Variants in PTH1R observed in about 807,000 individuals in gnomAD.
PTH1R encodes the protein parathyroid hormone 1 receptor, also known as parathyroid hormone/parathyroid hormone-related peptide receptor.
In PTH1R, 32 loss-of-function variants were observed where a neutral mutation model predicts 70.7. That is an observed-to-expected ratio of 0.45 (90% CI 0.34 to 0.61). The LOEUF (loss-of-function observed/expected upper bound fraction) is 0.61, where lower values mean the gene tolerates loss of function less well. Among genes scored for constraint, PTH1R ranks in the 20% least tolerant of loss-of-function variants. The probability of loss-of-function intolerance (pLI) is 0.01; values close to 1 mark genes in which losing one functional copy is unlikely to be tolerated. For missense variants in PTH1R, 626 were observed against 792.5 expected (o/e 0.79, Z 2.52); for synonymous variants, 329 against 324.8 (o/e 1.01, Z -0.14).
rs992858169 is a variant in PTH1R at position 46,883,231 on chromosome 3, A to T, written c.-48-281A>T. 4.8e-6 allele frequency: 1 copy of T among 210,214 alleles called. No individual in the cohort carries two copies. Among genetic ancestry groups the T allele is most frequent in the Admixed American group, 5.9e-5 (1 of 16,856 alleles). 13.0% of individuals were successfully genotyped at this position (210,214 alleles called of 1,614,324 possible). A position where few individuals can be genotyped will look rare whatever the true frequency, so the allele number is the denominator to read the frequency against. The stretch of plus-strand genomic sequence containing the variant: ...CGGGCCGGGGGCGGGGGGCCCGGCC[A>T]TATGGATGTGATTTCTTCGCTCCGA... On this transcript the variant is annotated intron_variant, in intron 2 of 15. Transcript: ENST00000449590. The surrounding 1 kb of genome is among the most constrained non-coding windows in gnomAD (Gnocchi z 6.4).
chr3:46,882,964 T>A lies in PTH1R; in HGVS notation c.-48-548T>A, dbSNP rs1407425824. Among the ~76,000 whole-genome samples the A allele has an allele frequency of 1.3e-5, 2 of 150,596 alleles. No individual in the cohort carries two copies. Among genetic ancestry groups the A allele is most frequent in the African/African-American group, 2.4e-5 (1 of 40,912 alleles). On this transcript the variant is annotated intron_variant, in intron 2 of 15. Coordinates refer to ENST00000449590, the MANE Select transcript of PTH1R (RefSeq NM_000316.3). The surrounding 1 kb of genome is among the most constrained non-coding windows in gnomAD (Gnocchi z 4.3). ...CAAAGTTGAGATCGCACCCCCTAAC[T>A]GCACGCCCCGCGCGGCTCAGAACGC...
chr3:46,894,783 G>C lies in PTH1R; in HGVS notation c.178+774G>C, dbSNP rs550956380. On this transcript the variant is annotated intron_variant, in intron 4 of 15. Transcript: ENST00000449590. ...CCACAGACCCGACATGTAAGGACCA[G>C]GGGGGCCTAGCTTGGGCGGTGGCTG... Among the ~76,000 whole-genome samples the C allele has an allele frequency of 2.0e-5, 3 of 152,216 alleles. No individual in the cohort carries two copies. The South Asian group carries it at 6.2e-4, about 32-fold the overall frequency.
intron 10 of PTH1R, 33 bp downstream of exon 10, chr3:46,899,489 C>G (rs777154630): frequency 1.2e-6 from 2 of 1,600,374 alleles, no homozygotes; most frequent in Non-Finnish European, 8.5e-7. Flanking sequence ...GAGGTGCCGG[C>G]AGGGGTGGGA....
rs1255739378 is a variant in PTH1R at position 46,892,159 on chromosome 3, GC to G, written c.76-1746del. ...GACTAGGATAGAGGAGCTTAGGCCAGCCGCCAGCACGTGAGGATCTGCTCCA... is the reference window on the plus strand; with the variant it reads ...GACTAGGATAGAGGAGCTTAGGCCAGCGCCAGCACGTGAGGATCTGCTCCA... On this transcript the variant is annotated intron_variant, in intron 3 of 15. Coordinates refer to ENST00000449590, the MANE Select transcript of PTH1R (RefSeq NM_000316.3). The surrounding 1 kb of genome is among the most constrained non-coding windows in gnomAD (Gnocchi z 5.2). 2.6e-5 allele frequency among the ~76,000 whole-genome samples: 4 copies of G among 152,176 alleles called. No individual in the cohort carries two copies. Among genetic ancestry groups the G allele is most frequent in the African/African-American group, 9.7e-5 (4 of 41,440 alleles).
At chr3:46,890,873 C>T (rs1446581534) in intron 3 of PTH1R, among the ~76,000 whole-genome samples, 3 of 152,180 alleles carry the variant, frequency 2.0e-5, no homozygotes, top group Non-Finnish European at 4.4e-5. Context: ...TTCTCAGACA[C>T]GAAGCTAGTC....
At chr3:46,889,968 G>T (rs1227131308) in intron 3 of PTH1R, among the ~76,000 whole-genome samples, 1 of 152,158 alleles carries the variant, frequency 6.6e-6, no homozygotes, top group Non-Finnish European at 1.5e-5. Flanking sequence ...CAGACAGGGG[G>T]CATGCCAGGC....
intron 3 of PTH1R, among the ~76,000 whole-genome samples, chr3:46,887,025 G>C (rs2031079418): frequency 1.3e-5 from 2 of 151,966 alleles, no homozygotes; most frequent in African/African-American, 4.8e-5. Flanking sequence ...GATCACCTGA[G>C]GCCAGGAGTT....
intron 3 of PTH1R, among the ~76,000 whole-genome samples, chr3:46,890,388 T>TTGCTGCTGC (rs562274566): frequency 6.6e-6 from 1 of 151,996 alleles, no homozygotes; most frequent in African/African-American, 2.4e-5. Context: ...GGGATGTGAC[T>TTGCTGCTGC]TGCTGCTGCT....
At position 46,896,192 on chromosome 3, in the gene PTH1R, AAGAC is replaced by A. The variant is rs3087182; in HGVS notation, c.313+331_313+334del. On this transcript the variant is annotated intron_variant, in intron 5 of 15. Coordinates refer to ENST00000449590, the MANE Select transcript of PTH1R (RefSeq NM_000316.3). This position sits in a 1 kb window ranked among gnomAD's most constrained non-coding sequence, Gnocchi z 4.1. The stretch of plus-strand genomic sequence containing the variant: ...ACAGAGAGGCAGGGAGAGATACACA[AAGAC>A]AGACAGATAGTGACAGAGAAAGACG... 0.49 allele frequency among the ~76,000 whole-genome samples: 74,260 copies of A among 151,390 alleles called. 19,742 individuals carry two copies. Among genetic ancestry groups the A allele is most frequent in the Non-Finnish European group, 0.6 (40,311 of 67,712 alleles).
In PTH1R at chr3:46,902,397, C is replaced by T; in HGVS notation, c.1212-129C>T. ...AGCCATGCAGGTGAACTGGGTTGTCCTCCCATGGTGACTGGAGCCCTGGGC... is the reference window on the plus strand; with the variant it reads ...AGCCATGCAGGTGAACTGGGTTGTCTTCCCATGGTGACTGGAGCCCTGGGC... On this transcript the variant is annotated intron_variant, in intron 13 of 15. Transcript: ENST00000449590. The surrounding 1 kb of genome is among the most constrained non-coding windows in gnomAD (Gnocchi z 5.4). The T allele has an allele frequency of 7.8e-7, 1 of 1,288,442 alleles. No homozygotes were observed. The highest frequency in any genetic ancestry group is 1.1e-6 in the Non-Finnish European group (1 of 915,184). 79.8% of individuals were successfully genotyped at this position (1,288,442 alleles called of 1,614,324 possible). A position where few individuals can be genotyped will look rare whatever the true frequency, so the allele number is the denominator to read the frequency against.
chr3:46,903,609 G>A lies in PTH1R; in HGVS notation c.1735G>A (p.Glu579Lys), dbSNP rs1233315505. The A allele has an allele frequency of 6.2e-7, 1 of 1,613,168 alleles. No homozygotes were observed. The highest frequency in any genetic ancestry group is 8.5e-7 in the Non-Finnish European group (1 of 1,180,040). ...CCTGGACGAGGAGGCCTCTGGGCCT[G>A]AGCGGCCACCTGCCCTGCTACAGGA... ...SGLDEEASGPERPPALLQEEW... is the reference protein window; with the variant it reads ...SGLDEEASGPKRPPALLQEEW... The change falls in exon 16 of 16, where the codon GAG (glutamate) becomes AAG (lysine). Residue 579 changes from glutamate to lysine, a missense_variant. Physicochemically the swap from Glu to Lys is moderately conservative, Grantham distance 56. Around this residue, in one of 3 missense-constraint regions of PTH1R, gnomAD observed 495 missense variants for 638.7 expected, o/e 0.77. Transcript: ENST00000449590. The surrounding 1 kb of genome is among the most constrained non-coding windows in gnomAD (Gnocchi z 4.4).
chr3:46,878,240 G>C (rs2030349358), intron 1 of PTH1R, among the ~76,000 whole-genome samples: 1 of 152,244 alleles, frequency 6.6e-6, no homozygotes, highest in South Asian at 2.1e-4. Flanking sequence ...GGGTGTCAGG[G>C]GGTGTTTATG....
At chr3:46,890,849 C>T (rs936279869) in intron 3 of PTH1R, among the ~76,000 whole-genome samples, 2 of 152,106 alleles carry the variant, frequency 1.3e-5, no homozygotes, top group East Asian at 1.9e-4. Context: ...CTGAGGCACA[C>T]GGGTTAAGCA....
At position 46,901,453 on chromosome 3, in the gene PTH1R, C is replaced by T. The variant is rs1460203816; in HGVS notation, c.1089C>T (p.Ile363=). 1 of 1,576,064 alleles carries T rather than the reference C, an allele frequency of 6.3e-7. No homozygotes were observed. Among genetic ancestry groups the T allele is most frequent in the Non-Finnish European group, 8.6e-7 (1 of 1,160,138 alleles). Residue 363 remains isoleucine (I), a synonymous_variant, in exon 12 of 16, where the codon ATC becomes ATT. Transcript: ENST00000449590. The surrounding 1 kb of genome is among the most constrained non-coding windows in gnomAD (Gnocchi z 7.3). ...DLSSGNKKWI[I]QVPILASIVL... ...GCTCCGGGAACAAAAAGTGGATCAT[C>T]CAGGTGCCCATCCTGGCCTCCATTG... is the stretch of plus-strand genomic sequence containing the variant.
chr3:46,889,074 G>A (rs139553634), intron 3 of PTH1R, among the ~76,000 whole-genome samples: 75 of 152,310 alleles, frequency 4.9e-4, no homozygotes, highest in South Asian at 2.9e-3. Flanking sequence ...CAGCTGGCAC[G>A]GGAGACATCC....
rs2030438290 is a variant in PTH1R, at chr3:46,879,698, G to C, written c.-105-1364G>C. ...GGAGGTCAAGGCTGCTGTGAGCCATGACCGTGCCACTGCACTCCAGCCTGG... is the reference window on the plus strand; with the variant it reads ...GGAGGTCAAGGCTGCTGTGAGCCATCACCGTGCCACTGCACTCCAGCCTGG... On this transcript the variant is annotated intron_variant, in intron 1 of 15. Coordinates refer to ENST00000449590, the MANE Select transcript of PTH1R (RefSeq NM_000316.3). The surrounding 1 kb of genome is among the most constrained non-coding windows in gnomAD (Gnocchi z 4.7). Among the ~76,000 whole-genome samples the C allele has an allele frequency of 6.6e-6, 1 of 152,286 alleles. No individual in the cohort carries two copies. The highest frequency in any genetic ancestry group is 1.9e-4 in the East Asian group (1 of 5,180).
At position 46,901,673 on chromosome 3, in the gene PTH1R, C is replaced by A; in HGVS notation, c.1117-93C>A. The A allele has an allele frequency of 7.0e-7, 1 of 1,432,740 alleles. No homozygotes were observed. Among genetic ancestry groups the A allele is most frequent in the Non-Finnish European group, 9.8e-7 (1 of 1,018,320 alleles). The allele number at this position is 1,432,740 out of a possible 1,614,324, so 88.8% of individuals were successfully genotyped here. A position where few individuals can be genotyped will look rare whatever the true frequency, so the allele number is the denominator to read the frequency against. On this transcript the variant is annotated intron_variant, in intron 12 of 15. Coordinates refer to ENST00000449590, the MANE Select transcript of PTH1R (RefSeq NM_000316.3). The surrounding 1 kb of genome is among the most constrained non-coding windows in gnomAD (Gnocchi z 7.3). ...GGGCTCAAGGAGCCACCCAGAGATG[C>A]AGTGACAGAGCAGAGCCTATGGCCG...
At chr3:46,887,439 A>T (rs58381738) in intron 3 of PTH1R, among the ~76,000 whole-genome samples, 2 of 143,138 alleles carry the variant, frequency 1.4e-5, no homozygotes, top group African/African-American at 2.6e-5. Flanking sequence ...TGGGTGACAG[A>T]GTGAGCCCCT....
Position 46,881,130 on chromosome 3 carries a change from A to C in PTH1R, c.-49+12A>C, listed in dbSNP as rs555742553. On this transcript the variant is annotated intron_variant, in intron 2 of 15. Transcript: ENST00000449590. The stretch of plus-strand genomic sequence containing the variant: ...AGGACACACAACTGGTAAGCGGGCA[A>C]GCACAGGCTGTTGCTTAGCCCAGAC... 8.5e-5 allele frequency: 13 copies of C among 152,398 alleles called. 2 individuals carry two copies. Among genetic ancestry groups the C allele is most frequent in the Admixed American group, 8.5e-4 (13 of 15,304 alleles). The allele number at this position is 152,398 out of a possible 1,614,324, so 9.4% of individuals were successfully genotyped here.
Sources: gnomAD v4.1 joint callset for allele counts (sites outside exome capture counted in the v4.1 genomes callset) on GRCh38, gnomAD v4.1.1 for gene constraint, gnomAD v4.1.1 regional missense constraint, Gnocchi (gnomAD v3.1) non-coding constraint, MANE v1.5 for transcripts, NCBI Gene and HGNC (gene_info 2026-07-23, HGNC 2026-07-21) for gene names.